Variants in CRACR2A observed in about 807,000 individuals in gnomAD.
CRACR2A encodes the protein EF-hand calcium-binding domain-containing protein 4B.
A neutral mutation model predicts 90.5 loss-of-function variants in CRACR2A; 79 were observed. The ratio of observed to expected loss-of-function variants is 0.87; its 90% CI spans 0.73 to 1.05. The LOEUF is 1.05. CRACR2A is among the 50% of genes least tolerant of loss of function. The pLI is 0.00. For synonymous variants in CRACR2A, 338 were observed against 356.7 expected, an observed-to-expected ratio of 0.95 and a Z score of 0.59; for missense variants, 823 against 897.2, an observed-to-expected ratio of 0.92 and a Z score of 1.06.
At chr12:3,695,737 A>C (rs971949142) in intron 4 of CRACR2A, among the ~76,000 whole-genome samples, 2 of 152,218 alleles carry the variant, frequency 1.3e-5, no homozygotes, top group Non-Finnish European at 2.9e-5. Flanking sequence ...TCCCTTCAAA[A>C]ACTACTCTGA....
At chr12:3,623,297 G>A (rs1363566541) in intron 17 of CRACR2A, among the ~76,000 whole-genome samples, 4 of 152,022 alleles carry the variant, frequency 2.6e-5, no homozygotes, top group East Asian at 3.9e-4. Context: ...TTTCCAGCTC[G>A]GAAACACTGG....
intron 1 of CRACR2A, among the ~76,000 whole-genome samples, chr12:3,748,626 G>A (rs940364227): frequency 1.3e-5 from 2 of 152,202 alleles, no homozygotes; most frequent in Admixed American, 6.5e-5. Context: ...AGGTCCTAGA[G>A]GAACCCGTCC....
intron 7 of CRACR2A, 136 bp from the exon 8 acceptor site, chr12:3,659,790 C>T (rs1591664720): frequency 1.5e-6 from 1 of 676,302 alleles, no homozygotes; most frequent in East Asian, 2.7e-5. Context: ...TCAGCCAACG[C>T]TATAAGATCA....
chr12:3,635,493 A>G (rs576115156), intron 14 of CRACR2A, among the ~76,000 whole-genome samples: 56 of 152,276 alleles, frequency 3.7e-4, no homozygotes, highest in Non-Finnish European at 7.5e-4. Context: ...TGAAATGGTC[A>G]CTATTCATAT....
intron 2 of CRACR2A, among the ~76,000 whole-genome samples, chr12:3,713,992 T>C (rs1946045720): frequency 6.6e-6 from 1 of 152,164 alleles, no homozygotes; most frequent in East Asian, 1.9e-4. Context: ...AAGGGAGCAG[T>C]AGTGATTACA....
intron 15 of CRACR2A, among the ~76,000 whole-genome samples, chr12:3,630,962 T>C (rs1182621111): frequency 6.6e-6 from 1 of 152,240 alleles, no homozygotes; most frequent in Non-Finnish European, 1.5e-5. Context: ...GCCCTGCCAC[T>C]GTGCTGTAGC....
rs557648607 is a variant in CRACR2A at position 3,621,648 on chromosome 12, C to CAAAAAAAAAAAAA, written c.1933-2289_1933-2277dup. ...CCTCAGTGACAGAGAGAGACTCTGT[C>CAAAAAAAAAAAAA]AAAAAAAAAAAAAAAAAAAAAAAAA... On this transcript the variant is annotated intron_variant, in intron 17 of 19. Transcript: ENST00000440314. Among the ~76,000 whole-genome samples the CAAAAAAAAAAAAA allele has an allele frequency of 2.5e-3, 36 of 14,584 alleles. 4 individuals are homozygous for CAAAAAAAAAAAAA. Among genetic ancestry groups the CAAAAAAAAAAAAA allele is most frequent in the East Asian group, 9.0e-3 (3 of 334 alleles). The allele number at this position is 14,584 out of a possible 152,430, so 9.6% of individuals were successfully genotyped here.
Position 3,659,570 on chromosome 12 carries a change from G to T in CRACR2A, c.756C>A (p.Leu252=). Residue 252 remains leucine (L), a synonymous_variant, in exon 8 of 20, where the codon CTC becomes CTA. Coordinates refer to ENST00000440314, the MANE Select transcript of CRACR2A (RefSeq NM_001144958.2). ...QQIKSEKEQF[L]LKDTERFQAR... ...CTGGGGAGCGTACACTTACCTTCAGGAGAAACTGCTCCTTCTCACTTTTGA... is the reference window on the plus strand; with the variant it reads ...CTGGGGAGCGTACACTTACCTTCAGTAGAAACTGCTCCTTCTCACTTTTGA... The T allele has an allele frequency of 6.2e-7, 1 of 1,614,050 alleles. No individual in the cohort carries two copies. The highest frequency in any genetic ancestry group is 8.5e-7 in the Non-Finnish European group (1 of 1,179,960).
intron 4 of CRACR2A, among the ~76,000 whole-genome samples, chr12:3,680,932 C>CAGAG (rs58346544): frequency 6.6e-6 from 1 of 150,858 alleles, no homozygotes; most frequent in African/African-American, 2.4e-5. Flanking sequence ...AGTAGGGAGG[C>CAGAG]AGAGAGAGAG....
At chr12:3,740,252 A>G (rs973373869) in intron 1 of CRACR2A, among the ~76,000 whole-genome samples, 1 of 152,104 alleles carries the variant, frequency 6.6e-6, no homozygotes, top group Admixed American at 6.5e-5. Context: ...GGAATGAAAA[A>G]GGAGAGGAAA....
intron 4 of CRACR2A, among the ~76,000 whole-genome samples, chr12:3,683,110 G>A (rs1192232360): frequency 6.6e-6 from 1 of 152,146 alleles, no homozygotes; most frequent in Admixed American, 6.5e-5. Context: ...AGTGAGATAA[G>A]CAGGGTGGAG....
intron 17 of CRACR2A, among the ~76,000 whole-genome samples, chr12:3,623,927 T>C (rs1226909636): frequency 6.6e-6 from 1 of 152,188 alleles, no homozygotes; most frequent in African/African-American, 2.4e-5. Flanking sequence ...ACATTCCTGC[T>C]CCGTCTTGGC....
At chr12:3,696,728 A>C (rs1423310550) in intron 4 of CRACR2A, 44 bp downstream of exon 4, 1 of 1,612,560 alleles carries the variant, frequency 6.2e-7, no homozygotes, top group Non-Finnish European at 8.5e-7. Context: ...ACAGGAAGAC[A>C]TCTGGCATTC....
intron 3 of CRACR2A, among the ~76,000 whole-genome samples, chr12:3,707,448 C>G: frequency 6.6e-6 from 1 of 152,188 alleles, no homozygotes; most frequent in East Asian, 1.9e-4. Flanking sequence ...ACCCTAATTC[C>G]TTCAATAATT....
intron 4 of CRACR2A, among the ~76,000 whole-genome samples, chr12:3,683,421 C>T (rs184197086): frequency 1.3e-5 from 2 of 152,264 alleles, no homozygotes; most frequent in Non-Finnish European, 2.9e-5. Context: ...AAGGGTGGGC[C>T]AGGGAAAAAG....
At chr12:3,634,008 C>T (rs1944417974) in intron 14 of CRACR2A, among the ~76,000 whole-genome samples, 1 of 152,118 alleles carries the variant, frequency 6.6e-6, no homozygotes, top group Admixed American at 6.5e-5. Context: ...GAGGCAGAGG[C>T]CAACCCTGGA....
chr12:3,738,470 G>T (rs546919189), intron 1 of CRACR2A, among the ~76,000 whole-genome samples: 1 of 152,048 alleles, frequency 6.6e-6, no homozygotes, highest in African/African-American at 2.4e-5. Context: ...AGAATGTTTA[G>T]AAATAAAAAA....
intron 3 of CRACR2A, among the ~76,000 whole-genome samples, chr12:3,702,539 A>T (rs1945849464): frequency 6.6e-6 from 1 of 152,186 alleles, no homozygotes; most frequent in Non-Finnish European, 1.5e-5. Context: ...TAAAAATATC[A>T]TTTGCAATTG....
chr12:3,689,267 T>C (rs575170291), intron 4 of CRACR2A, among the ~76,000 whole-genome samples: 121 of 152,352 alleles, frequency 7.9e-4, no homozygotes, highest in Middle Eastern at 3.4e-3. Context: ...CCTTGTCTTG[T>C]GCTGGTTTTC....
Sources: gnomAD v4.1 joint callset for allele counts (sites outside exome capture counted in the v4.1 genomes callset) on GRCh38, gnomAD v4.1.1 for gene constraint, MANE v1.5 for transcripts, NCBI Gene and HGNC (gene_info 2026-07-23, HGNC 2026-07-21) for gene names.